The following NR6A1 variants were observed in gnomAD, a reference collection of about 807,000 sequenced individuals.
The protein encoded by NR6A1 is nuclear receptor subfamily 6 group A member 1.
NR6A1 carries 7 observed loss-of-function variants against 59.1 expected under a neutral mutation model. The ratio of observed to expected loss-of-function variants is 0.12; its 90% CI spans 0.07 to 0.22. NR6A1 has a LOEUF of 0.22. Ranked by LOEUF, NR6A1 falls within the 10% of genes least tolerant of loss-of-function variation. The pLI is 1.00. For synonymous variants in NR6A1, 243 were observed against 236.1 expected (o/e 1.03, Z -0.27); for missense variants, 468 against 611.6 (o/e 0.77, Z 2.48).
intron 2 of NR6A1, among the ~76,000 whole-genome samples, chr9:124,562,730 T>A (rs2093821453): frequency 1.3e-5 from 2 of 152,188 alleles, no homozygotes; most frequent in South Asian, 4.2e-4. Context: ...GGACACATAT[T>A]TTCAGAGGCA....
At chr9:124,653,137 T>C (rs2130924880) in intron 2 of NR6A1, among the ~76,000 whole-genome samples, 1 of 152,344 alleles carries the variant, frequency 6.6e-6, no homozygotes, top group South Asian at 2.1e-4. Context: ...AAGTCTCAGC[T>C]CTGCCTCTTC....
chr9:124,579,853 A>G (rs543874143), intron 2 of NR6A1, among the ~76,000 whole-genome samples: 2 of 152,180 alleles, frequency 1.3e-5, no homozygotes. Context: ...TCTACTGAAA[A>G]TACATAATTA....
chr9:124,689,858 T>C (rs1339251765), intron 2 of NR6A1, among the ~76,000 whole-genome samples: 2 of 152,170 alleles, frequency 1.3e-5, no homozygotes, highest in Non-Finnish European at 2.9e-5. Flanking sequence ...TCCCTTAATA[T>C]AGTTCACACC....
intron 2 of NR6A1, among the ~76,000 whole-genome samples, chr9:124,569,297 G>A (rs1199952277): frequency 6.6e-6 from 1 of 152,124 alleles, no homozygotes; most frequent in Non-Finnish European, 1.5e-5. Context: ...TTAAACACAG[G>A]ACAAAACCTG....
chr9:124,738,773 G>C (rs1055335891), intron 1 of NR6A1, among the ~76,000 whole-genome samples: 1 of 152,052 alleles, frequency 6.6e-6, no homozygotes, highest in African/African-American at 2.4e-5. Flanking sequence ...GGGAGGCCAA[G>C]GCGGGAGGAT....
intron 4 of NR6A1, among the ~76,000 whole-genome samples, chr9:124,541,487 C>CA (rs35858312): frequency 1.2e-3 from 182 of 152,146 alleles, no homozygotes; most frequent in Non-Finnish European, 2.0e-3. Context: ...AAAAAAACCC[C>CA]AAAACAAACA....
chr9:124,725,954 A>C (rs145021165), intron 2 of NR6A1, among the ~76,000 whole-genome samples: 134 of 152,276 alleles, frequency 8.8e-4, no homozygotes, highest in Middle Eastern at 6.8e-3. Context: ...GCTTAATGTA[A>C]ATGAGAATCT....
At chr9:124,705,545 G>A (rs1040214665) in intron 2 of NR6A1, among the ~76,000 whole-genome samples, 1 of 151,996 alleles carries the variant, frequency 6.6e-6, no homozygotes, top group Non-Finnish European at 1.5e-5. Context: ...ACCTATTTGT[G>A]TCTTTAAATC....
At chr9:124,689,104 G>C (rs1215336642) in intron 2 of NR6A1, among the ~76,000 whole-genome samples, 1 of 152,062 alleles carries the variant, frequency 6.6e-6, no homozygotes, top group Non-Finnish European at 1.5e-5. Context: ...TAAAAGAACA[G>C]GTTTTTTATT....
intron 1 of NR6A1, among the ~76,000 whole-genome samples, chr9:124,767,760 A>G (rs1442214890): frequency 6.6e-6 from 1 of 152,238 alleles, no homozygotes; most frequent in African/African-American, 2.4e-5. Context: ...GCACCGTGCT[A>G]TTCAGTGAAC....
chr9:124,735,690 T>C (rs1484450972), intron 1 of NR6A1, among the ~76,000 whole-genome samples: 1 of 152,162 alleles, frequency 6.6e-6, no homozygotes, highest in Non-Finnish European at 1.5e-5. Context: ...AGAAAAGCCA[T>C]GGAGAGATGC....
chr9:124,618,609 C>A (rs138920648), intron 2 of NR6A1, among the ~76,000 whole-genome samples: 1 of 152,274 alleles, frequency 6.6e-6, no homozygotes, highest in East Asian at 1.9e-4. Flanking sequence ...CACTTTAGAT[C>A]ATTAACCAAG....
chr9:124,556,390 C>T (rs909077582), intron 2 of NR6A1, among the ~76,000 whole-genome samples: 1 of 151,968 alleles, frequency 6.6e-6, no homozygotes, highest in Non-Finnish European at 1.5e-5. Context: ...GGCAAGGAAC[C>T]GATTCTCCCC....
At chr9:124,544,286 G>T (rs551857574) in intron 3 of NR6A1, among the ~76,000 whole-genome samples, 16 of 152,168 alleles carry the variant, frequency 1.1e-4, no homozygotes, top group South Asian at 4.2e-4. Context: ...AGGTTTTTTG[G>T]TTTTTTTCAT....
chr9:124,607,275 C>G (rs1401675964), intron 2 of NR6A1: 1 of 152,160 alleles, frequency 6.6e-6, no homozygotes, highest in African/African-American at 2.4e-5. Flanking sequence ...GTGTTCCACA[C>G]TAAGTTCAGC....
intron 2 of NR6A1, among the ~76,000 whole-genome samples, chr9:124,672,563 C>T (rs961900404): frequency 2.0e-5 from 3 of 151,510 alleles, no homozygotes; most frequent in Non-Finnish European, 2.9e-5. Flanking sequence ...TGCAGTGAGC[C>T]GAGATCATGC....
At chr9:124,590,904 TC>T (rs1835099792) in intron 2 of NR6A1, among the ~76,000 whole-genome samples, 1 of 152,178 alleles carries the variant, frequency 6.6e-6, no homozygotes, top group African/African-American at 2.4e-5. Flanking sequence ...TTAAAGCCCA[TC>T]CCCCTCTCCA....
intron 1 of NR6A1, among the ~76,000 whole-genome samples, chr9:124,761,093 A>C (rs1421179799): frequency 6.6e-6 from 1 of 152,226 alleles, no homozygotes; most frequent in Non-Finnish European, 1.5e-5. Flanking sequence ...AATCTGTCTC[A>C]GTTATTAGGT....
At chr9:124,716,425 G>A (rs545103040) in intron 2 of NR6A1, among the ~76,000 whole-genome samples, 2 of 152,184 alleles carry the variant, frequency 1.3e-5, no homozygotes, top group Non-Finnish European at 2.9e-5. Context: ...TGTAGAGAGG[G>A]CACAGAAAAT....
Sources: allele counts gnomAD v4.1 joint callset (sites outside exome capture counted in the v4.1 genomes callset), GRCh38; gene constraint gnomAD v4.1.1; transcripts MANE v1.5; gene names NCBI Gene and HGNC (gene_info 2026-07-23, HGNC 2026-07-21).